The following SEMA3A variants were observed in gnomAD, a reference collection of about 807,000 sequenced individuals.
The protein encoded by SEMA3A is semaphorin 3A.
SEMA3A carries 29 observed loss-of-function variants against 97.9 expected under a neutral mutation model. That is an observed-to-expected ratio of 0.30 (90% confidence interval 0.22 to 0.40). The LOEUF (loss-of-function observed/expected upper bound fraction) is 0.40, where lower values mean the gene tolerates loss of function less well. Among genes scored for constraint, SEMA3A ranks in the 10% least tolerant of loss-of-function variants. The pLI is 1.00. For synonymous variants in SEMA3A, 321 were observed against 323.7 expected (o/e 0.99, Z 0.09); for missense variants, 763 against 951.3 (o/e 0.80, Z 2.60).
intron 3 of SEMA3A, among the ~76,000 whole-genome samples, chr7:84,300,980 T>C (rs902520410): frequency 6.6e-6 from 1 of 152,118 alleles, no homozygotes; most frequent in African/African-American, 2.4e-5. Flanking sequence ...TCTCTGACCA[T>C]AGATTTAGAA....
intron 1 of SEMA3A, among the ~76,000 whole-genome samples, chr7:84,454,987 G>A (rs951320762): frequency 2.0e-5 from 3 of 151,808 alleles, no homozygotes; most frequent in South Asian, 4.1e-4. Context: ...AAAATGAAAC[G>A]CTCTCAATGA....
intron 5 of SEMA3A, among the ~76,000 whole-genome samples, chr7:84,049,683 A>G (rs947761187): frequency 1.3e-5 from 2 of 151,976 alleles, no homozygotes; most frequent in African/African-American, 4.8e-5. Context: ...TGAAGTTATC[A>G]AATTATATGT....
chr7:84,477,090 A>ATT (rs1448218394), intron 1 of SEMA3A, among the ~76,000 whole-genome samples: 5 of 147,904 alleles, frequency 3.4e-5, no homozygotes, highest in Non-Finnish European at 6.0e-5. Flanking sequence ...ATATATATAT[A>ATT]TATTTTTCAA....
intron 3 of SEMA3A, among the ~76,000 whole-genome samples, chr7:84,203,527 T>TATATATATATATATA (rs1554345528): frequency 1.0e-4 from 3 of 29,656 alleles, no homozygotes; most frequent in Non-Finnish European, 1.5e-4. Context: ...TATATATATA[T>TATATATATATATATA]TTTTTTTTTT....
chr7:84,067,741 T>C (rs1793578672), intron 4 of SEMA3A, among the ~76,000 whole-genome samples: 1 of 151,562 alleles, frequency 6.6e-6, no homozygotes, highest in African/African-American at 2.4e-5. Context: ...TCACACCAGT[T>C]AGAATGGCAA....
At chr7:84,448,558 T>C (rs1805483809) in intron 1 of SEMA3A, among the ~76,000 whole-genome samples, 1 of 151,784 alleles carries the variant, frequency 6.6e-6, no homozygotes, top group South Asian at 2.1e-4. Context: ...TCATGTACAA[T>C]AGCATCAAAA....
intron 1 of SEMA3A, among the ~76,000 whole-genome samples, chr7:84,418,010 G>A (rs1180613660): frequency 2.0e-5 from 3 of 152,112 alleles, no homozygotes. Flanking sequence ...TAATTGATGT[G>A]ATTGTTAATA....
At chr7:84,300,148 G>C (rs1248556378) in intron 3 of SEMA3A, among the ~76,000 whole-genome samples, 17 of 149,588 alleles carry the variant, frequency 1.1e-4, no homozygotes, top group Admixed American at 1.1e-3. Flanking sequence ...TTTTCATAAA[G>C]GAGAAAATAA....
chr7:83,972,100 A>AAT (rs1418947628), intron 15 of SEMA3A, among the ~76,000 whole-genome samples: 1 of 151,946 alleles, frequency 6.6e-6, no homozygotes, highest in South Asian at 2.1e-4. Flanking sequence ...TATAGGTATG[A>AAT]ATATATATAC....
At position 84,117,722 on chromosome 7, in the gene SEMA3A, C is replaced by G. The variant is rs527836573; in HGVS notation, c.334-7133G>C. Among the ~76,000 whole-genome samples the G allele has an allele frequency of 2.0e-5, 3 of 152,268 alleles. No individual in the cohort carries two copies. In the East Asian group the frequency reaches 5.8e-4, roughly 29 times the overall value. ...TTTGGCCTGTGAAAAAATTGTCTTC[C>G]ATGAAACCAGTCCCCGGTGCCAAAA... is the stretch of plus-strand genomic sequence containing the variant. On this transcript the variant is annotated intron_variant, in intron 3 of 16. Transcript: ENST00000265362.
chr7:84,339,939 A>G (rs780003615), intron 2 of SEMA3A, among the ~76,000 whole-genome samples: 4 of 152,164 alleles, frequency 2.6e-5, no homozygotes, highest in Non-Finnish European at 5.9e-5. Flanking sequence ...GGGAAAAATT[A>G]TAATCCTCAA....
At chr7:84,213,118 C>T in intron 3 of SEMA3A, among the ~76,000 whole-genome samples, 1 of 152,128 alleles carries the variant, frequency 6.6e-6, no homozygotes, top group East Asian at 1.9e-4. Flanking sequence ...GCTGGGATTA[C>T]AGGCATGTGC....
chr7:83,968,785 GTTTCT>G (rs1029616666), intron 15 of SEMA3A, among the ~76,000 whole-genome samples: 9 of 83,812 alleles, frequency 1.1e-4, no homozygotes, highest in African/African-American at 2.6e-4. Flanking sequence ...TTTTTTCTTT[GTTTCT>G]TTTCTTTTCT....
Position 84,001,967 on chromosome 7 carries a change from C to T in SEMA3A, c.1440G>A (p.Met480Ile). ...AAGCAGCACTCACCCGAAAAACTGT[C>T]ATTTCTTCCAGCAGAACCTCTTCTA... ...YDLEEVLLEE[M>I]TVFREPTAIS... Residue 480 changes from methionine (M) to isoleucine (I), a missense_variant, in exon 12 of 17, where the codon ATG becomes ATA. Coordinates refer to ENST00000265362, the MANE Select transcript of SEMA3A (RefSeq NM_006080.3). The T allele has an allele frequency of 6.2e-7, 1 of 1,611,374 alleles. No homozygotes were observed. Among genetic ancestry groups the T allele is most frequent in the South Asian group, 1.1e-5 (1 of 90,922 alleles).
At position 84,447,138 on chromosome 7, in the gene SEMA3A, G is replaced by A. The variant is rs1050511859; in HGVS notation, c.-246+45322C>T. ...CTGGCCAGGTGTGCACACATGTGGG[G>A]TGGTGCTGACATGCCAGCCCCCTGC... On this transcript the variant is annotated intron_variant, in intron 1 of 3. Coordinates refer to the SEMA3A transcript ENST00000424555. Among the ~76,000 whole-genome samples the A allele has an allele frequency of 6.6e-5, 10 of 152,314 alleles. No individual in the cohort carries two copies. The East Asian group carries it at 1.7e-3, about 27-fold the overall frequency.
intron 1 of SEMA3A, among the ~76,000 whole-genome samples, chr7:84,170,016 T>C (rs1227536114): frequency 6.6e-6 from 1 of 151,826 alleles, no homozygotes; most frequent in South Asian, 2.1e-4. Flanking sequence ...GTAAAAATTT[T>C]AATAAGAAAA....
chr7:83,959,022 G>A lies in SEMA3A; in HGVS notation c.*2349C>T, dbSNP rs1452281429. ...AGATTATGACTGTAATGAGTTATCTGCAAGTTATATCTACAATTTTCTTTG... is the reference window on the plus strand; with the variant it reads ...AGATTATGACTGTAATGAGTTATCTACAAGTTATATCTACAATTTTCTTTG... On this transcript the variant is annotated 3_prime_UTR_variant, in exon 17 of 17. Coordinates refer to ENST00000265362, the MANE Select transcript of SEMA3A (RefSeq NM_006080.3). 1 of 151,980 alleles carries A rather than the reference G, an allele frequency of 6.6e-6. No homozygotes were observed. The highest frequency in any genetic ancestry group is 1.9e-4 in the East Asian group (1 of 5,190). The allele number at this position is 151,980 out of a possible 1,614,324, so 9.4% of individuals were successfully genotyped here.
intron 4 of SEMA3A, among the ~76,000 whole-genome samples, chr7:84,081,403 T>C (rs1001695885): frequency 1.6e-4 from 24 of 152,096 alleles, no homozygotes; most frequent in Admixed American, 1.0e-3. Context: ...CCACCCTGGC[T>C]AACACGGTGA....
intron 15 of SEMA3A, among the ~76,000 whole-genome samples, chr7:83,968,330 A>G (rs906795115): frequency 6.6e-6 from 1 of 152,222 alleles, no homozygotes; most frequent in Non-Finnish European, 1.5e-5. Flanking sequence ...TTCCCACCCT[A>G]TGCTGAGTGA....
Sources: allele counts gnomAD v4.1 joint callset (sites outside exome capture counted in the v4.1 genomes callset), GRCh38; gene constraint gnomAD v4.1.1; transcripts MANE v1.5; gene names NCBI Gene and HGNC (gene_info 2026-07-23, HGNC 2026-07-21).